PRDM16: variants seen among roughly 807,000 people sequenced by gnomAD.
PRDM16 encodes histone-lysine N-methyltransferase PRDM16.
Under a neutral mutation model 110.6 loss-of-function variants are expected in PRDM16, and 23 were observed. The observed-to-expected ratio is 0.21, with a 90% CI of 0.15 to 0.29. The LOEUF is 0.29. Among genes scored for constraint, PRDM16 ranks in the 10% least tolerant of loss-of-function variants. The pLI is 1.00. For missense variants in PRDM16, 1,615 were observed against 1,794.3 expected, an observed-to-expected ratio of 0.90 and a Z score of 1.81; for synonymous variants, 799 against 781.8, an observed-to-expected ratio of 1.02 and a Z score of -0.37.
rs1638748984 is a variant in PRDM16, at chr1:3,430,962, C to T, written c.3375C>T (p.Asp1125=). ...QEDVEEEDDD[D]LEEDDEDSLA... is the part of the protein sequence containing the mutation. ...ACGTGGAGGAGGAGGACGACGATGA[C>T]CTGGAGGAGGACGATGAGGACAGCC... The change falls in exon 15 of 17, where the codon GAC becomes GAT. Residue 1125 remains aspartate (D), a synonymous_variant. Transcript: ENST00000270722. The T allele has an allele frequency of 6.2e-7, 1 of 1,612,960 alleles. No individual in the cohort carries two copies. Among genetic ancestry groups the T allele is most frequent in the Non-Finnish European group, 8.5e-7 (1 of 1,179,446 alleles).
chr1:3,142,357 C>T (rs12123885), intron 1 of PRDM16, among the ~76,000 whole-genome samples: 10,024 of 152,314 alleles, frequency 0.066, 427 homozygotes, highest in East Asian at 0.12. Context: ...CCCGGGGGTG[C>T]GGTGGGGACC....
intron 2 of PRDM16, among the ~76,000 whole-genome samples, chr1:3,234,381 G>C (rs527921418): frequency 6.6e-6 from 1 of 152,306 alleles, no homozygotes; most frequent in Non-Finnish European, 1.5e-5. Flanking sequence ...CGCCCCAGCA[G>C]CTCAGGTCCA....
chr1:3,281,979 C>T (rs1259719379), intron 3 of PRDM16, among the ~76,000 whole-genome samples: 1 of 152,192 alleles, frequency 6.6e-6, no homozygotes, highest in Non-Finnish European at 1.5e-5. Context: ...AGAAGGAGTG[C>T]TGGCCTGCAG....
At chr1:3,240,938 A>C (rs528494839) in intron 2 of PRDM16, among the ~76,000 whole-genome samples, 2 of 152,198 alleles carry the variant, frequency 1.3e-5, no homozygotes, top group Non-Finnish European at 2.9e-5. Flanking sequence ...CACACCTAAT[A>C]CTTCTGCCGG....
Position 3,085,174 on chromosome 1 carries a change from C to T in PRDM16, c.37+15878C>T, listed in dbSNP as rs1263113937. ...CGTTCGTGCAGGTGGAATCTGGACA[C>T]CACCATGTGCAGAGGCAGTGCAGCC... On this transcript the variant is annotated intron_variant, in intron 1 of 16. Coordinates refer to ENST00000270722, the MANE Select transcript of PRDM16 (RefSeq NM_022114.4). Among the ~76,000 whole-genome samples the T allele has an allele frequency of 2.6e-5, 4 of 152,330 alleles. No homozygotes were observed. In the South Asian group the frequency reaches 8.3e-4, roughly 32 times the overall value.
intron 3 of PRDM16, among the ~76,000 whole-genome samples, chr1:3,257,166 C>A (rs1272657476): frequency 1.3e-5 from 2 of 152,208 alleles, no homozygotes; most frequent in Admixed American, 1.3e-4. Context: ...CCGCGGAGGG[C>A]TCTTCGAGTT....
At chr1:3,141,082 T>G (rs1643541534) in intron 1 of PRDM16, among the ~76,000 whole-genome samples, 1 of 152,102 alleles carries the variant, frequency 6.6e-6, no homozygotes. Flanking sequence ...CTCCCAGAAC[T>G]CTGGGGGAAA....
At chr1:3,316,273 T>C in intron 3 of PRDM16, among the ~76,000 whole-genome samples, 1 of 2,708 alleles carries the variant, frequency 3.7e-4, no homozygotes, top group Non-Finnish European at 6.9e-4. Flanking sequence ...ACTGTGGGGG[T>C]AGGGGTGGGG....
chr1:3,174,408 T>C (rs1237499004), intron 1 of PRDM16, among the ~76,000 whole-genome samples: 1 of 152,110 alleles, frequency 6.6e-6, no homozygotes. Flanking sequence ...ATTCAACTGG[T>C]TACAGTCTTG....
In PRDM16 at chr1:3,426,040, C is replaced by T. The variant is rs1638595020; in HGVS notation, c.3110-11C>T. ...GAGAGGCCGCCCCCTGATGCTCCCG[C>T]CCCTCCGCAGTGAGCCAGCACCCCG... On this transcript the variant is annotated splice_polypyrimidine_tract_variant and intron_variant, in intron 13 of 16. Transcript: ENST00000270722. 2 of 1,607,396 alleles carry T rather than the reference C, an allele frequency of 1.2e-6. No homozygotes were observed. Among genetic ancestry groups the T allele is most frequent in the Admixed American group, 3.4e-5 (2 of 59,394 alleles).
intron 2 of PRDM16, among the ~76,000 whole-genome samples, chr1:3,202,786 G>A (rs564991876): frequency 6.6e-6 from 1 of 152,326 alleles, no homozygotes; most frequent in African/African-American, 2.4e-5. Flanking sequence ...AGATGCTGCT[G>A]AGACCTTGAG....
intron 14 of PRDM16, among the ~76,000 whole-genome samples, chr1:3,427,897 C>T (rs114021459): frequency 0.021 from 3,195 of 152,278 alleles, 116 homozygotes; most frequent in African/African-American, 0.073. Flanking sequence ...GCCCTGGCCA[C>T]GCTGAGACAG....
At chr1:3,387,483 C>T (rs1225131528) in intron 4 of PRDM16, among the ~76,000 whole-genome samples, 1 of 152,220 alleles carries the variant, frequency 6.6e-6, no homozygotes, top group Non-Finnish European at 1.5e-5. Flanking sequence ...CCCCTCAACC[C>T]CCTTGTGAGA....
chr1:3,352,880 C>G (rs1642521542), intron 3 of PRDM16, among the ~76,000 whole-genome samples: 1 of 152,076 alleles, frequency 6.6e-6, no homozygotes, highest in Non-Finnish European at 1.5e-5. Context: ...CGGTGGCAGT[C>G]AGGCCGCATT....
At position 3,430,914 on chromosome 1, in the gene PRDM16, C is replaced by T. The variant is rs766134173; in HGVS notation, c.3327C>T (p.Gly1109=). The change falls in exon 15 of 17, where the codon GGC becomes GGT. Residue 1109 remains glycine, a synonymous_variant. Coordinates refer to ENST00000270722, the MANE Select transcript of PRDM16 (RefSeq NM_022114.4). ...QIVDGSAQCP[G]LASEKQEDVE... is the part of the protein sequence containing the mutation. The stretch of plus-strand genomic sequence containing the variant: ...TGGACGGCAGTGCCCAGTGTCCAGG[C>T]CTAGCCAGTGAGAAGCAGGAGGACG... The T allele has an allele frequency of 2.7e-5, 43 of 1,613,996 alleles. No homozygotes were observed. Among genetic ancestry groups the T allele is most frequent in the African/African-American group, 4.0e-5 (3 of 74,922 alleles).
Position 3,412,494 on chromosome 1 carries a change from G to T in PRDM16, c.2297G>T (p.Gly766Val), listed in dbSNP as rs778681326. 1.4e-5 allele frequency: 23 copies of T among 1,613,162 alleles called. No individual in the cohort carries two copies. Among genetic ancestry groups the T allele is most frequent in the Non-Finnish European group, 1.9e-5 (22 of 1,180,004 alleles). The change falls in exon 9 of 17, where the codon GGC becomes GTC. Residue 766 changes from glycine to valine, a missense_variant. By Grantham distance (109) the Gly-to-Val change is moderately radical. Transcript: ENST00000270722. ...KSPRDALKVG[G>V]PSAECPFDLT... ...CCCCGGGACGCCCTCAAGGTGGGCG[G>T]CCCCAGTGCCGAGTGCCCCTTTGAT...
intron 2 of PRDM16, among the ~76,000 whole-genome samples, chr1:3,237,133 A>G (rs756651917): frequency 5.9e-5 from 9 of 151,818 alleles, no homozygotes; most frequent in Non-Finnish European, 1.3e-4. Flanking sequence ...CCTTCCTGCA[A>G]ACTGTCCCTC....
At chr1:3,307,614 C>T (rs536944403) in intron 3 of PRDM16, 1 of 152,142 alleles carries the variant, frequency 6.6e-6, no homozygotes, top group Non-Finnish European at 1.5e-5. Context: ...GAAGAGCGCA[C>T]AGTGTGCAAG....
At chr1:3,374,114 G>A (rs1305768438) in intron 3 of PRDM16, among the ~76,000 whole-genome samples, 1 of 152,216 alleles carries the variant, frequency 6.6e-6, no homozygotes, top group East Asian at 1.9e-4. Context: ...CTCTCAGGAG[G>A]GCCAGGGCTG....
Sources: gnomAD v4.1 joint callset for allele counts (sites outside exome capture counted in the v4.1 genomes callset) on GRCh38, gnomAD v4.1.1 for gene constraint, MANE v1.5 for transcripts, NCBI Gene and HGNC (gene_info 2026-07-23, HGNC 2026-07-21) for gene names.